The following BPIFB3 variants were observed in gnomAD, a reference collection of about 807,000 sequenced individuals.
BPIFB3 encodes the protein BPI fold-containing family B member 3.
Under a neutral mutation model 53.1 loss-of-function variants are expected in BPIFB3, and 49 were observed. That is an observed-to-expected ratio of 0.92 (90% CI 0.73 to 1.17). BPIFB3 has a LOEUF of 1.17. Ranked by LOEUF, BPIFB3 falls within the 50% of genes most tolerant of loss-of-function variation. The pLI, the probability that BPIFB3 is intolerant of heterozygous loss-of-function variation, is 0.00. For missense variants in BPIFB3, 628 were observed against 592.5 expected (o/e 1.06, Z -0.62); for synonymous variants, 271 against 269.6 (o/e 1.01, Z -0.05).
At chr20:33,060,095 C>T in intron 4 of BPIFB3, 64 bp downstream of exon 5, 1 of 1,573,106 alleles carries the variant, frequency 6.4e-7, no homozygotes, top group Non-Finnish European at 8.6e-7. Context: ...CCCATCTGGG[C>T]ATCTCCCAGG....
chr20:33,061,401 C>T (rs1980447947), intron 4 of BPIFB3, among the ~76,000 whole-genome samples: 1 of 152,184 alleles, frequency 6.6e-6, no homozygotes, highest in Non-Finnish European at 1.5e-5. Flanking sequence ...AACCCCCACT[C>T]TGGGGGCTCA....
At chr20:33,056,026 A>G (rs1980187976) in intron 1 of BPIFB3, among the ~76,000 whole-genome samples, 1 of 152,174 alleles carries the variant, frequency 6.6e-6, no homozygotes, top group South Asian at 2.1e-4. Context: ...CCATTCCTCC[A>G]TCCTGCCCTT....
chr20:33,072,759 T>A, exon 14 of BPIFB3: 2 of 1,613,914 alleles, frequency 1.2e-6, no homozygotes, highest in Middle Eastern at 1.6e-4. Flanking sequence ...GTTCTTAATA[T>A]CAATTTTTCC....
At chr20:33,072,057 C>T in intron 12 of BPIFB3, 47 bp from the exon 14 acceptor site, 1 of 1,600,034 alleles carries the variant, frequency 6.2e-7, no homozygotes, top group Non-Finnish European at 8.6e-7. Flanking sequence ...GCCTGTAAAG[C>T]CACACCCCAG....
At chr20:33,072,563 G>A (rs537805478) in intron 13 of BPIFB3, among the ~76,000 whole-genome samples, 154 bp from the exon 15 acceptor site, 14 of 152,324 alleles carry the variant, frequency 9.2e-5, no homozygotes, top group African/African-American at 3.4e-4. Flanking sequence ...GTAGGAGGAT[G>A]AGTAGGAGTT....
chr20:33,056,596 T>A, exon 2 of BPIFB3: 1 of 1,613,914 alleles, frequency 6.2e-7, no homozygotes, highest in African/African-American at 1.3e-5. Context: ...CTGGGATCGG[T>A]CACAGCTGTG....
At chr20:33,070,144 G>T (rs111426602) in intron 11 of BPIFB3, among the ~76,000 whole-genome samples, 189 bp downstream of exon 12, 197 of 152,280 alleles carry the variant, frequency 1.3e-3, no homozygotes, top group African/African-American at 4.5e-3. Flanking sequence ...GGAATCGGGG[G>T]CTCAGAGCAG....
At chr20:33,061,778 A>C in exon 5 of BPIFB3, 1 of 1,614,178 alleles carries the variant, frequency 6.2e-7, no homozygotes, top group Non-Finnish European at 8.5e-7. Context: ...GCTGCTGCCC[A>C]CACCACTCTT....
intron 12 of BPIFB3, 75 bp from the exon 14 acceptor site, chr20:33,072,029 T>A: frequency 6.6e-7 from 1 of 1,504,124 alleles, no homozygotes; most frequent in Non-Finnish European, 9.2e-7. Flanking sequence ...TTTCTCTCCC[T>A]GGGAACGGGA....
At chr20:33,056,616 C>T (rs772850456) in exon 2 of BPIFB3, 2 of 1,613,906 alleles carry the variant, frequency 1.2e-6, no homozygotes, top group South Asian at 2.2e-5. Flanking sequence ...GAACCGGGGC[C>T]TCTTGGGCTC....
Position 33,068,513 on chromosome 20 carries a change from C to G in BPIFB3, c.979-290C>G, listed in dbSNP as rs1193134762. ...ACGCAGGGCAGCAGCGGGAGGAGAG[C>G]AGGTGAAGTGGAGAGGCGGGCAGGG... On this transcript the variant is annotated intron_variant, in intron 9 of 14. Transcript: ENST00000375494. Among the ~76,000 whole-genome samples, 3 of 152,162 alleles carry G rather than the reference C, an allele frequency of 2.0e-5. No individual in the cohort carries two copies. In the East Asian group the frequency reaches 5.8e-4, roughly 29 times the overall value.
chr20:33,071,667 C>T (rs945663636), intron 12 of BPIFB3, among the ~76,000 whole-genome samples: 1 of 152,126 alleles, frequency 6.6e-6, no homozygotes, highest in African/African-American at 2.4e-5. Context: ...CACAGAGCCC[C>T]GAGGTTCCTG....
At chr20:33,062,754 T>A (rs1374908927) in intron 5 of BPIFB3, among the ~76,000 whole-genome samples, 1 of 152,212 alleles carries the variant, frequency 6.6e-6, no homozygotes, top group Non-Finnish European at 1.5e-5. Context: ...GGCTGCCTGA[T>A]ACCTCCCTCC....
chr20:33,063,633 A>C, exon 6 of BPIFB3: 1 of 1,614,068 alleles, frequency 6.2e-7, no homozygotes, highest in Non-Finnish European at 8.5e-7. Flanking sequence ...CGTGGTGGAC[A>C]GTGTGCTGGG....
In BPIFB3 at chr20:33,071,292, T is replaced by C. The variant is rs116723328; in HGVS notation, c.1257T>C (p.Phe419=). 1.3e-3 allele frequency: 2,063 copies of C among 1,562,648 alleles called. 22 individuals carry two copies. In the African/African-American group the frequency reaches 0.024, roughly 18 times the overall value. The change falls in exon 12 of 15, where the codon TTT becomes TTC. Residue 419 remains phenylalanine (F), a synonymous_variant. Transcript: ENST00000375494. ...TGGCCTCCTCCTTTACCCATGCCTT[T>C]GACGTAAGTTCCTGGGAGGGTGAGG...
At chr20:33,066,641 T>C (rs761937) in intron 8 of BPIFB3, among the ~76,000 whole-genome samples, 183 bp from the exon 10 acceptor site, 116,879 of 152,200 alleles carry the variant, frequency 0.77, 45,128 homozygotes, top group East Asian at 0.98. Flanking sequence ...CTAGCATCTG[T>C]CTGGCATGCA....
chr20:33,055,910 C>G (rs1944322390), intron 1 of BPIFB3, among the ~76,000 whole-genome samples: 1 of 152,154 alleles, frequency 6.6e-6, no homozygotes, highest in African/African-American at 2.4e-5. Flanking sequence ...GCATTTGGTA[C>G]TACAGAGCCC....
At chr20:33,068,809 G>C in exon 10 of BPIFB3, 1 of 1,613,438 alleles carries the variant, frequency 6.2e-7, no homozygotes, top group Non-Finnish European at 8.5e-7. Flanking sequence ...CCAGGCCCTG[G>C]GGAAGCTGCC....
upstream of BPIFB3, among the ~76,000 whole-genome samples, chr20:33,055,191 T>C (rs1038097365): frequency 2.6e-5 from 4 of 152,150 alleles, no homozygotes; most frequent in Non-Finnish European, 4.4e-5. Context: ...TGGAACCCAA[T>C]GAGGGAGAGG....
Sources: gnomAD v4.1 joint callset for allele counts (sites outside exome capture counted in the v4.1 genomes callset) on GRCh38, gnomAD v4.1.1 for gene constraint, MANE v1.5 for transcripts, NCBI Gene and HGNC (gene_info 2026-07-23, HGNC 2026-07-21) for gene names.